JMJD1C: variants seen among roughly 807,000 people sequenced by gnomAD.
The protein encoded by JMJD1C is jumonji domain-containing protein 1C.
JMJD1C carries 31 observed loss-of-function variants against 245.3 expected under a neutral mutation model. The observed-to-expected ratio is 0.13, with a 90% CI of 0.09 to 0.17. The LOEUF is 0.17. Ranked by LOEUF, JMJD1C falls within the 10% of genes least tolerant of loss-of-function variation. JMJD1C has a pLI of 1.00. For synonymous variants in JMJD1C, 1,057 were observed against 1,017.4 expected (o/e 1.04, Z -0.74); for missense variants, 2,691 against 3,000.2 (o/e 0.90, Z 2.41).
intron 3 of JMJD1C, among the ~76,000 whole-genome samples, chr10:63,228,689 AT>A (rs1206921388): frequency 6.6e-6 from 1 of 152,206 alleles, no homozygotes; most frequent in African/African-American, 2.4e-5. Context: ...TACTAATGCA[AT>A]TTGATCTAAC....
chr10:63,277,738 T>C lies in JMJD1C; in HGVS notation c.334-12974A>G, dbSNP rs1364384238. Among the ~76,000 whole-genome samples, 167 of 115,334 alleles carry C rather than the reference T, an allele frequency of 1.4e-3. 1 individual carries two copies. Among genetic ancestry groups the C allele is most frequent in the Non-Finnish European group, 2.2e-3 (125 of 58,004 alleles). 75.7% of individuals were successfully genotyped at this position (115,334 alleles called of 152,430 possible). A position where few individuals can be genotyped will look rare whatever the true frequency, so the allele number is the denominator to read the frequency against. On this transcript the variant is annotated intron_variant, in intron 2 of 25. Transcript: ENST00000399262. The stretch of plus-strand genomic sequence containing the variant: ...TGAGAGTAATTTGCATTTCTTTTTT[T>C]TTTTTTTTTTTTTTTTTGAGACAGA...
chr10:63,203,586 A>G (rs1289706227), intron 10 of JMJD1C: 5 of 957,122 alleles, frequency 5.2e-6, no homozygotes, highest in African/African-American at 1.8e-5. Context: ...TCAGATCATA[A>G]AATTAAATGT....
intron 16 of JMJD1C, among the ~76,000 whole-genome samples, chr10:63,192,283 A>G (rs1339167077): frequency 9.5e-6 from 1 of 105,366 alleles, no homozygotes. Context: ...AAAAAAAAAA[A>G]AATTGGCCAG....
intron 2 of JMJD1C, among the ~76,000 whole-genome samples, chr10:63,353,602 TCCTCCC>T (rs1944547746): frequency 6.6e-6 from 1 of 150,772 alleles, no homozygotes; most frequent in Non-Finnish European, 1.5e-5. Context: ...TGCAACCTCT[TCCTCCC>T]AAGTTCAAGT....
chr10:63,325,538 CA>C (rs1311476153), intron 2 of JMJD1C, among the ~76,000 whole-genome samples: 21 of 152,144 alleles, frequency 1.4e-4, no homozygotes, highest in African/African-American at 5.1e-4. Flanking sequence ...TAAGCAATGT[CA>C]ATTTCTGGCT....
At position 63,377,514 on chromosome 10, in the gene JMJD1C, C is replaced by T. The variant is rs184775542; in HGVS notation, c.333+2804G>A. ...CTTTGGGAGGCTGAGGCAGGCAGAT[C>T]ACAAGGTCATGAGTTCAAGACCTGC... On this transcript the variant is annotated intron_variant, in intron 2 of 25. Coordinates refer to ENST00000399262, the MANE Select transcript of JMJD1C (RefSeq NM_032776.3). 3.2e-3 allele frequency among the ~76,000 whole-genome samples: 494 copies of T among 152,188 alleles called. 11 individuals are homozygous for T. Among genetic ancestry groups the T allele is most frequent in the Admixed American group, 0.031 (467 of 15,278 alleles).
At chr10:63,326,401 TAAATAAA>T (rs1288315290) in intron 2 of JMJD1C, among the ~76,000 whole-genome samples, 7 of 148,544 alleles carry the variant, frequency 4.7e-5, no homozygotes, top group African/African-American at 1.8e-4. Context: ...AATAAATAAA[TAAATAAA>T]TAAATAAATA....
At chr10:63,306,512 A>T (rs1409391088) in intron 2 of JMJD1C, among the ~76,000 whole-genome samples, 1 of 152,240 alleles carries the variant, frequency 6.6e-6, no homozygotes, top group African/African-American at 2.4e-5. Context: ...GGTGGTTGTG[A>T]GATGAAACCA....
intron 3 of JMJD1C, among the ~76,000 whole-genome samples, chr10:63,226,702 A>G (rs1204928941): frequency 1.5e-5 from 2 of 133,036 alleles, no homozygotes; most frequent in Non-Finnish European, 3.2e-5. Flanking sequence ...GCGACAAAGC[A>G]CAACCCTGTT....
intron 20 of JMJD1C, 87 bp from the exon 21 acceptor site, chr10:63,184,825 C>T (rs1479040744): frequency 1.3e-5 from 16 of 1,227,358 alleles, no homozygotes; most frequent in Non-Finnish European, 1.6e-5. Flanking sequence ...TTGTTCAAAA[C>T]AGCAGACTAC....
chr10:63,314,065 A>C (rs1281382169), intron 2 of JMJD1C, among the ~76,000 whole-genome samples: 2 of 152,152 alleles, frequency 1.3e-5, no homozygotes, highest in East Asian at 3.8e-4. Flanking sequence ...CTTAGATTTA[A>C]GTCTTTGATC....
upstream of JMJD1C, among the ~76,000 whole-genome samples, chr10:63,469,354 A>G (rs1188887981): frequency 6.6e-6 from 1 of 152,256 alleles, no homozygotes; most frequent in Non-Finnish European, 1.5e-5. Flanking sequence ...AAGTTTAGTA[A>G]CTTGCCTAAG....
At chr10:63,245,782 G>A (rs1347959656) in intron 3 of JMJD1C, among the ~76,000 whole-genome samples, 2 of 151,914 alleles carry the variant, frequency 1.3e-5, no homozygotes, top group African/African-American at 2.4e-5. Context: ...CAGCCCGGCC[G>A]GGAACTCCTC....
chr10:63,356,046 A>T (rs1564826408), intron 2 of JMJD1C, among the ~76,000 whole-genome samples: 1 of 152,242 alleles, frequency 6.6e-6, no homozygotes, highest in Admixed American at 6.5e-5. Flanking sequence ...AATTAAGCAT[A>T]AAGACCAATT....
At chr10:63,308,751 C>CAAA (rs377153800) in intron 2 of JMJD1C, among the ~76,000 whole-genome samples, 3 of 49,852 alleles carry the variant, frequency 6.0e-5, no homozygotes, top group African/African-American at 2.1e-4. Flanking sequence ...CATTTGAGAA[C>CAAA]AAAAAAAAAA....
intron 2 of JMJD1C, among the ~76,000 whole-genome samples, chr10:63,278,001 G>A (rs1856987839): frequency 6.6e-6 from 1 of 151,680 alleles, no homozygotes; most frequent in Admixed American, 6.6e-5. Context: ...CCAAAGTGCT[G>A]GGATTACAGG....
chr10:63,217,472 T>C (rs1848125960), intron 4 of JMJD1C, 141 bp from the exon 5 acceptor site: 4 of 611,322 alleles, frequency 6.5e-6, no homozygotes, highest in Non-Finnish European at 1.1e-5. Flanking sequence ...TAGAAGTAAA[T>C]ATCCTTTCAA....
At chr10:63,333,861 A>C (rs913563150) in intron 2 of JMJD1C, among the ~76,000 whole-genome samples, 2 of 152,212 alleles carry the variant, frequency 1.3e-5, no homozygotes, top group Non-Finnish European at 2.9e-5. Flanking sequence ...TTCTTAGTTA[A>C]ATTTTGAATA....
At chr10:63,281,166 G>A (rs1032432164) in intron 2 of JMJD1C, among the ~76,000 whole-genome samples, 18 of 135,460 alleles carry the variant, frequency 1.3e-4, no homozygotes, top group Admixed American at 4.8e-4. Context: ...AGTCTCGCTC[G>A]CTCTGTCGCC....
Sources: allele counts gnomAD v4.1 joint callset (sites outside exome capture counted in the v4.1 genomes callset), GRCh38; gene constraint gnomAD v4.1.1; transcripts MANE v1.5; gene names NCBI Gene and HGNC (gene_info 2026-07-23, HGNC 2026-07-21).